Variants in ZBTB5 observed in about 807,000 individuals in gnomAD.
The protein encoded by ZBTB5 is zinc finger and BTB domain containing 5, also known as zinc finger and BTB domain-containing protein 5.
ZBTB5 carries 15 observed loss-of-function variants against 37.9 expected under a neutral mutation model. The ratio of observed to expected loss-of-function variants is 0.40; its 90% CI spans 0.26 to 0.61. ZBTB5 has a LOEUF of 0.61. Among genes scored for constraint, ZBTB5 ranks in the 20% least tolerant of loss-of-function variants. The pLI is 0.47. For synonymous variants in ZBTB5, 315 were observed against 312.4 expected (o/e 1.01, Z -0.09); for missense variants, 708 against 856.8 (o/e 0.83, Z 2.17).
At position 37,439,396 on chromosome 9, in the gene ZBTB5, A is replaced by C. The variant is rs145679706; in HGVS notation, c.*1122T>G. The C allele has an allele frequency of 1.9e-3, 293 of 152,386 alleles. 1 individual carries two copies. Among genetic ancestry groups the C allele is most frequent in the African/African-American group, 6.9e-3 (289 of 41,588 alleles). 9.4% of individuals were successfully genotyped at this position (152,386 alleles called of 1,614,324 possible). On this transcript the variant is annotated 3_prime_UTR_variant, in exon 2 of 2. Coordinates refer to ENST00000307750, the MANE Select transcript of ZBTB5 (RefSeq NM_014872.3). ...CATGTTTGGATTTCAAACAACTTTA[A>C]ACATTTGGTATCAGATTGGGGGAGC...
intron 1 of ZBTB5, among the ~76,000 whole-genome samples, chr9:37,458,313 T>A (rs1488172778): frequency 6.6e-6 from 1 of 152,218 alleles, no homozygotes; most frequent in East Asian, 1.9e-4. Flanking sequence ...CTGTTTTCAA[T>A]ATGTGTGATA....
Position 37,442,403 on chromosome 9 carries a change from C to T in ZBTB5, c.149G>A (p.Arg50Gln), listed in dbSNP as rs1588774594. 5.6e-6 allele frequency: 9 copies of T among 1,614,092 alleles called. No homozygotes were observed. Among genetic ancestry groups the T allele is most frequent in the Non-Finnish European group, 7.6e-6 (9 of 1,180,020 alleles). ...TCCTTCTGCCACTGAGAACAGGGCT[C>T]GGAAATGCGTGCTGCATGCTGCCAG... ...SVLAACSTHFRALFSVAEGDQ... is the reference protein window; with the variant it reads ...SVLAACSTHFQALFSVAEGDQ... The change falls in exon 2 of 2, where the codon CGA becomes CAA. Residue 50 changes from arginine to glutamine, a missense_variant. Transcript: ENST00000307750.
rs1418831811 is a variant in ZBTB5 at position 37,441,044 on chromosome 9, C to G, written c.1508G>C (p.Gly503Ala). Residue 503 changes from glycine (G) to alanine (A), a missense_variant, in exon 2 of 2, where the codon GGG (glycine) becomes GCG (alanine). Transcript: ENST00000307750. Reference sequence around the variant, plus strand: ...CAAACCAGACCTGGAAAAGTCCATCCCAAACTGTTCTCCTCCTTGGTAGCC... The same window carrying G: ...CAAACCAGACCTGGAAAAGTCCATCGCAAACTGTTCTCCTCCTTGGTAGCC... Reference protein sequence around the residue: ...TSGYQGGEQFGMDFSRSGLGL... With the variant: ...TSGYQGGEQFAMDFSRSGLGL... The G allele has an allele frequency of 1.2e-6, 2 of 1,614,140 alleles. No homozygotes were observed. The highest frequency in any genetic ancestry group is 1.7e-6 in the Non-Finnish European group (2 of 1,180,024).
At chr9:37,459,078 A>G (rs1824241489) in intron 1 of ZBTB5, among the ~76,000 whole-genome samples, 1 of 152,252 alleles carries the variant, frequency 6.6e-6, no homozygotes, top group African/African-American at 2.4e-5. Flanking sequence ...ATAGTGTATC[A>G]CGGCAAAATG....
At chr9:37,446,036 G>C (rs1279788004) in intron 1 of ZBTB5, among the ~76,000 whole-genome samples, 1 of 152,142 alleles carries the variant, frequency 6.6e-6, no homozygotes, top group African/African-American at 2.4e-5. Context: ...CAGCCCAGGG[G>C]GCAGAGGTTA....
intron 1 of ZBTB5, among the ~76,000 whole-genome samples, chr9:37,454,567 A>G (rs1286700216): frequency 1.3e-5 from 2 of 152,150 alleles, no homozygotes; most frequent in South Asian, 2.1e-4. Context: ...AAGAAAATAC[A>G]CTCTCATTAC....
intron 1 of ZBTB5, among the ~76,000 whole-genome samples, chr9:37,460,257 G>T (rs558397180): frequency 6.8e-4 from 104 of 152,024 alleles, no homozygotes; most frequent in Non-Finnish European, 1.3e-3. Context: ...GACCAACATG[G>T]AGAAACCCTG....
At chr9:37,454,634 T>G (rs1824155868) in intron 1 of ZBTB5, among the ~76,000 whole-genome samples, 1 of 152,268 alleles carries the variant, frequency 6.6e-6, no homozygotes, top group Non-Finnish European at 1.5e-5. Flanking sequence ...AGATTTACTT[T>G]TCTAATAATG....
chr9:37,451,718 TAA>T (rs1016696298), intron 1 of ZBTB5, among the ~76,000 whole-genome samples: 1 of 152,158 alleles, frequency 6.6e-6, no homozygotes, highest in Non-Finnish European at 1.5e-5. Context: ...TTTTTATCCT[TAA>T]AAGAGTTTTT....
At chr9:37,454,983 A>G (rs1824161543) in intron 1 of ZBTB5, among the ~76,000 whole-genome samples, 1 of 152,220 alleles carries the variant, frequency 6.6e-6, no homozygotes, top group Non-Finnish European at 1.5e-5. Flanking sequence ...GACAGGAGAC[A>G]GGGAAATGCT....
At chr9:37,454,166 AT>A (rs1405094427) in intron 1 of ZBTB5, among the ~76,000 whole-genome samples, 7 of 152,226 alleles carry the variant, frequency 4.6e-5, no homozygotes, top group Non-Finnish European at 1.0e-4. Context: ...TAGAGGGAAT[AT>A]TTTAAAAATT....
chr9:37,441,832 A>G lies in ZBTB5; in HGVS notation c.720T>C (p.Ile240=), dbSNP rs1823885023. The G allele has an allele frequency of 7.4e-6, 12 of 1,613,972 alleles. No homozygotes were observed. The East Asian group carries it at 2.7e-4, about 36-fold the overall frequency. ...EEFFSPDSLK[I]VDNPKADGMT... ...TTCCATCAGCTTTAGGATTATCCACAATTTTCAGAGAATCTGGTGAAAAGA... is the reference window on the plus strand; with the variant it reads ...TTCCATCAGCTTTAGGATTATCCACGATTTTCAGAGAATCTGGTGAAAAGA... The change falls in exon 2 of 2, where the codon ATT becomes ATC. Residue 240 remains isoleucine, a synonymous_variant. Transcript: ENST00000307750.
intron 1 of ZBTB5, among the ~76,000 whole-genome samples, chr9:37,463,793 T>C (rs1179695757): frequency 6.6e-6 from 1 of 152,204 alleles, no homozygotes; most frequent in African/African-American, 2.4e-5. Context: ...AAGTTATGTT[T>C]TGACACAACT....
At chr9:37,449,598 G>A (rs545539374) in intron 1 of ZBTB5, among the ~76,000 whole-genome samples, 14 of 150,764 alleles carry the variant, frequency 9.3e-5, no homozygotes, top group East Asian at 3.9e-4. Flanking sequence ...CTCGGGAGGC[G>A]AGGCATATGA....
rs1306611637 is a variant in ZBTB5 at position 37,439,358 on chromosome 9, C to A, written c.*1160G>T. 6.6e-6 allele frequency: 1 copy of A among 152,172 alleles called. No individual in the cohort carries two copies. Among genetic ancestry groups the A allele is most frequent in the Non-Finnish European group, 1.5e-5 (1 of 68,028 alleles). 9.4% of individuals were successfully genotyped at this position (152,172 alleles called of 1,614,324 possible). ...CTTACATAGCCTAGAAAATATTTAC[C>A]CATGAACACTACCATGTTTGGATTT... On this transcript the variant is annotated 3_prime_UTR_variant, in exon 2 of 2. Coordinates refer to ENST00000307750, the MANE Select transcript of ZBTB5 (RefSeq NM_014872.3).
At position 37,441,508 on chromosome 9, in the gene ZBTB5, T is replaced by C; in HGVS notation, c.1044A>G (p.Ser348=). The part of the protein sequence containing the change: ...EPQDEVSDVT[S]QAEGSESVEV... ...CCACAGACTCGCTGCCTTCTGCTTGTGAGGTCACATCGCTCACTTCATCCT... is the reference window on the plus strand; with the variant it reads ...CCACAGACTCGCTGCCTTCTGCTTGCGAGGTCACATCGCTCACTTCATCCT... The change falls in exon 2 of 2, where the codon TCA becomes TCG. Residue 348 remains serine, a synonymous_variant. Coordinates refer to ENST00000307750, the MANE Select transcript of ZBTB5 (RefSeq NM_014872.3). 1 of 1,613,000 alleles carries C rather than the reference T, an allele frequency of 6.2e-7. No homozygotes were observed. The highest frequency in any genetic ancestry group is 8.5e-7 in the Non-Finnish European group (1 of 1,179,826).
intron 1 of ZBTB5, among the ~76,000 whole-genome samples, chr9:37,449,031 A>C (rs1241676862): frequency 6.6e-6 from 1 of 152,110 alleles, no homozygotes; most frequent in African/African-American, 2.4e-5. Context: ...TGACAGAGCG[A>C]GACTCCGTTT....
At chr9:37,445,522 G>A (rs1444115030) in intron 1 of ZBTB5, among the ~76,000 whole-genome samples, 1 of 151,730 alleles carries the variant, frequency 6.6e-6, no homozygotes, top group Non-Finnish European at 1.5e-5. Context: ...ATGGTGGTAT[G>A]TGCCTGCAGT....
intron 1 of ZBTB5, among the ~76,000 whole-genome samples, chr9:37,453,729 C>T (rs1431815460): frequency 6.6e-6 from 1 of 152,166 alleles, no homozygotes; most frequent in Non-Finnish European, 1.5e-5. Flanking sequence ...TACCCACTCT[C>T]CTTGATTACA....
Sources: allele counts gnomAD v4.1 joint callset (sites outside exome capture counted in the v4.1 genomes callset), GRCh38; gene constraint gnomAD v4.1.1; transcripts MANE v1.5; gene names NCBI Gene and HGNC (gene_info 2026-07-23, HGNC 2026-07-21).